INVS: variants seen among roughly 807,000 people sequenced by gnomAD.
INVS encodes the protein inversion of embryo turning homolog.
A neutral mutation model predicts 108.8 loss-of-function variants in INVS; 86 were observed. The ratio of observed to expected loss-of-function variants is 0.79; its 90% CI spans 0.66 to 0.95. INVS has a LOEUF of 0.95. INVS is among the 40% of genes least tolerant of loss of function. INVS has a pLI of 0.00. For missense variants in INVS, 1,169 were observed against 1,297.4 expected, an observed-to-expected ratio of 0.90 and a Z score of 1.52; for synonymous variants, 455 against 473.5, an observed-to-expected ratio of 0.96 and a Z score of 0.51.
chr9:100,126,031 G>A (rs1286170983), intron 2 of INVS, among the ~76,000 whole-genome samples: 1 of 152,156 alleles, frequency 6.6e-6, no homozygotes, highest in Non-Finnish European at 1.5e-5. Context: ...ACAATGCCTA[G>A]TGTACAATTG....
At chr9:100,119,844 C>T (rs1588014821) in intron 2 of INVS, among the ~76,000 whole-genome samples, 1 of 152,138 alleles carries the variant, frequency 6.6e-6, no homozygotes, top group East Asian at 1.9e-4. Context: ...AGGCGTGAGC[C>T]GCTGCACCTG....
At chr9:100,237,711 T>A (rs942026354) in intron 5 of INVS, among the ~76,000 whole-genome samples, 3 of 152,152 alleles carry the variant, frequency 2.0e-5, no homozygotes, top group Non-Finnish European at 4.4e-5. Flanking sequence ...CCCAATGAGA[T>A]GAACTGGGCA....
intron 2 of INVS, among the ~76,000 whole-genome samples, chr9:100,121,609 A>G (rs1417478121): frequency 6.6e-6 from 1 of 152,132 alleles, no homozygotes; most frequent in African/African-American, 2.4e-5. Flanking sequence ...TTTAATGATC[A>G]ATCTGATTAG....
chr9:100,241,975 C>A (rs1831888487), intron 6 of INVS, among the ~76,000 whole-genome samples: 1 of 152,162 alleles, frequency 6.6e-6, no homozygotes, highest in East Asian at 1.9e-4. Flanking sequence ...GAATGCACTA[C>A]ATTGTCTTCA....
chr9:100,244,734 C>A (rs955783964), intron 7 of INVS, among the ~76,000 whole-genome samples: 3 of 152,144 alleles, frequency 2.0e-5, no homozygotes, highest in Admixed American at 6.5e-5. Context: ...TTGAAAAATG[C>A]AGACACATTC....
intron 3 of INVS, among the ~76,000 whole-genome samples, chr9:100,195,048 C>T (rs1830331132): frequency 6.6e-6 from 1 of 152,206 alleles, no homozygotes. Flanking sequence ...GCCCCTTCCT[C>T]TGCTATTATT....
chr9:100,276,595 A>C (rs918041502), intron 12 of INVS, among the ~76,000 whole-genome samples: 1 of 151,676 alleles, frequency 6.6e-6, no homozygotes, highest in East Asian at 1.9e-4. Context: ...TGCAACCTCC[A>C]CCTCCTGGGT....
intron 12 of INVS, among the ~76,000 whole-genome samples, chr9:100,278,228 T>C (rs566400046): frequency 2.7e-4 from 20 of 75,410 alleles, no homozygotes; most frequent in Non-Finnish European, 3.7e-4. Context: ...AGAGACCCTG[T>C]CTCAAAAAAA....
At chr9:100,238,654 C>T (rs1588113337) in intron 5 of INVS, among the ~76,000 whole-genome samples, 1 of 152,172 alleles carries the variant, frequency 6.6e-6, no homozygotes, top group East Asian at 1.9e-4. Flanking sequence ...CTTTCTGTTG[C>T]GTCCTAGGTA....
rs761009418 is a variant in INVS, at chr9:100,240,114, C to G, written c.670C>G (p.Pro224Ala). 6.2e-7 allele frequency: 1 copy of G among 1,614,172 alleles called. No homozygotes were observed. The highest frequency in any genetic ancestry group is 8.5e-7 in the Non-Finnish European group (1 of 1,180,010). The change falls in exon 6 of 17, where the codon CCT becomes GCT. Residue 224 changes from proline (P) to alanine (A), a missense_variant. Physicochemically the swap from Pro to Ala is conservative, Grantham distance 27. Around this residue, in one of 3 missense-constraint regions of INVS, gnomAD observed 365 missense variants for 397.5 expected, o/e 0.92. Coordinates refer to ENST00000262457, the MANE Select transcript of INVS (RefSeq NM_014425.5). ...CTGGCAAGACTACGAGGGTCGAACTCCTCTTCACTTTGCAGTTGCTGATGG... is the reference window on the plus strand; with the variant it reads ...CTGGCAAGACTACGAGGGTCGAACTGCTCTTCACTTTGCAGTTGCTGATGG... ...LNWQDYEGRT[P>A]LHFAVADGNV...
At chr9:100,133,428 T>C (rs1358243984) in intron 3 of INVS, among the ~76,000 whole-genome samples, 1 of 152,134 alleles carries the variant, frequency 6.6e-6, no homozygotes, top group African/African-American at 2.4e-5. Context: ...AATGGTATTA[T>C]ACTGTGTGAC....
In INVS at chr9:100,178,631, T is replaced by C. The variant is rs374933767; in HGVS notation, c.274-47431T>C. ...GAATGCACAAAGACTCCAAGAAATA[T>C]AGGACTATGTGAAAAGACCAAATCT... is the stretch of plus-strand genomic sequence containing the variant. On this transcript the variant is annotated intron_variant, in intron 3 of 16. Transcript: ENST00000262457. Among the ~76,000 whole-genome samples, 155 of 152,238 alleles carry C rather than the reference T, an allele frequency of 1.0e-3. 4 individuals are homozygous for C. The South Asian group carries it at 0.031, about 30-fold the overall frequency.
chr9:100,139,396 A>G (rs1828345790), intron 3 of INVS, among the ~76,000 whole-genome samples: 1 of 152,144 alleles, frequency 6.6e-6, no homozygotes, highest in African/African-American at 2.4e-5. Flanking sequence ...TCTACCTTTC[A>G]GAGGTCTCAT....
At chr9:100,226,810 C>CAAAAAAAAAAAAAAAAAAAAAAAAA (rs59853701) in intron 4 of INVS, among the ~76,000 whole-genome samples, 1 of 78,798 alleles carries the variant, frequency 1.3e-5, no homozygotes, top group Non-Finnish European at 2.5e-5. Flanking sequence ...GAGACTGTCT[C>CAAAAAAAAAAAAAAAAAAAAAAAAA]AAAAAAAAAA....
intron 8 of INVS, among the ~76,000 whole-genome samples, chr9:100,248,430 C>A (rs1588120184): frequency 6.7e-6 from 1 of 149,712 alleles, no homozygotes; most frequent in Admixed American, 6.7e-5. Context: ...CCTGACATTT[C>A]TTTTCTGTGA....
intron 3 of INVS, among the ~76,000 whole-genome samples, chr9:100,128,372 T>C (rs1349020887): frequency 6.6e-6 from 1 of 152,234 alleles, no homozygotes; most frequent in Non-Finnish European, 1.5e-5. Flanking sequence ...TTTCCTTCCT[T>C]ACTCTGTGTT....
intron 11 of INVS, among the ~76,000 whole-genome samples, chr9:100,265,822 A>T (rs1564183312): frequency 6.6e-6 from 1 of 152,236 alleles, no homozygotes; most frequent in African/African-American, 2.4e-5. Context: ...CACGCCTGTA[A>T]TCCCAACACT....
intron 3 of INVS, among the ~76,000 whole-genome samples, chr9:100,161,383 A>AAAAAAACAACAAC (rs1829179644): frequency 6.6e-6 from 1 of 151,336 alleles, no homozygotes; most frequent in African/African-American, 2.4e-5. Context: ...AAAAAAAAAA[A>AAAAAAACAACAAC]AAAAAAAAAC....
chr9:100,271,216 G>A (rs1386367987), intron 11 of INVS, among the ~76,000 whole-genome samples: 1 of 152,128 alleles, frequency 6.6e-6, no homozygotes, highest in Non-Finnish European at 1.5e-5. Flanking sequence ...TAAACATACA[G>A]GGATATATTT....
Sources: gnomAD v4.1 joint callset for allele counts (sites outside exome capture counted in the v4.1 genomes callset) on GRCh38, gnomAD v4.1.1 for gene constraint, gnomAD v4.1.1 regional missense constraint, MANE v1.5 for transcripts, NCBI Gene and HGNC (gene_info 2026-07-23, HGNC 2026-07-21) for gene names.